Variants in ZPBP observed in about 807,000 individuals in gnomAD.
ZPBP encodes zona pellucida binding protein.
A neutral mutation model predicts 44.8 loss-of-function variants in ZPBP; 26 were observed. The ratio of observed to expected loss-of-function variants is 0.58; its 90% confidence interval spans 0.43 to 0.81. ZPBP has a LOEUF of 0.81. Among genes scored for constraint, ZPBP ranks in the 30% least tolerant of loss-of-function variants. ZPBP has a pLI of 0.00. For missense variants in ZPBP, 409 were observed against 434.0 expected (o/e 0.94, Z 0.51); for synonymous variants, 174 against 153.2 (o/e 1.14, Z -1.00).
chr7:49,842,469 C>T, the ZPBP span, among the ~76,000 whole-genome samples: 1 of 151,984 alleles, frequency 6.6e-6, no homozygotes, highest in African/African-American at 2.4e-5. Flanking sequence ...AGAGATAATA[C>T]AGGAGAGTAA....
At chr7:50,077,776 C>T (rs1005901014) in intron 3 of ZPBP, among the ~76,000 whole-genome samples, 2 of 151,826 alleles carry the variant, frequency 1.3e-5, no homozygotes, top group Non-Finnish European at 3.0e-5. Context: ...AAGGGGAACC[C>T]TTGTACACTG....
intron 7 of ZPBP, among the ~76,000 whole-genome samples, chr7:49,975,272 C>A (rs1796457775): frequency 1.3e-5 from 2 of 152,124 alleles, no homozygotes; most frequent in African/African-American, 4.8e-5. Context: ...TGTTCCCAAG[C>A]AACTCACTAG....
chr7:50,016,539 CT>C (rs139368367), intron 6 of ZPBP, among the ~76,000 whole-genome samples: 2,070 of 152,102 alleles, frequency 0.014, 38 homozygotes, highest in African/African-American at 0.047. Context: ...CATGTACCCC[CT>C]GAATGTAAAA....
intron 7 of ZPBP, among the ~76,000 whole-genome samples, chr7:49,956,392 T>C (rs1166614007): frequency 6.6e-6 from 1 of 152,008 alleles, no homozygotes; most frequent in Non-Finnish European, 1.5e-5. Flanking sequence ...CATTGAAAAT[T>C]TCAAGAAATC....
intron 2 of ZPBP, among the ~76,000 whole-genome samples, chr7:49,879,772 T>C (rs748597542): frequency 5.3e-5 from 8 of 152,146 alleles, no homozygotes; most frequent in Non-Finnish European, 1.0e-4. Context: ...TTTGCTATCT[T>C]GGCTAATTTT....
chr7:49,971,339 A>G (rs778965915), intron 7 of ZPBP, among the ~76,000 whole-genome samples: 5 of 152,206 alleles, frequency 3.3e-5, no homozygotes, highest in African/African-American at 4.8e-5. Context: ...CTTTGAGAAG[A>G]TCAAAAAAGG....
At chr7:50,038,798 C>T (rs888487179) in intron 4 of ZPBP, among the ~76,000 whole-genome samples, 2 of 152,162 alleles carry the variant, frequency 1.3e-5, no homozygotes, top group African/African-American at 2.4e-5. Flanking sequence ...ACAAATACCA[C>T]AGTATTACAA....
At chr7:50,084,591 G>C (rs1802537735) in intron 2 of ZPBP, among the ~76,000 whole-genome samples, 1 of 151,846 alleles carries the variant, frequency 6.6e-6, no homozygotes, top group South Asian at 2.1e-4. Context: ...AGAAGAAATG[G>C]TGGGCACAAA....
intron 2 of ZPBP, among the ~76,000 whole-genome samples, chr7:49,872,092 AT>A (rs1791184102): frequency 6.6e-6 from 1 of 152,160 alleles, no homozygotes; most frequent in South Asian, 2.1e-4. Flanking sequence ...AAAGAACAGT[AT>A]ACTATGAAAC....
At chr7:50,091,011 G>A (rs778162347) in intron 1 of ZPBP, among the ~76,000 whole-genome samples, 6 of 151,598 alleles carry the variant, frequency 4.0e-5, no homozygotes, top group Admixed American at 6.6e-5. Context: ...CCATTCTTGC[G>A]AGAGTAAGGT....
intron 7 of ZPBP, among the ~76,000 whole-genome samples, chr7:49,963,822 A>G (rs1371717120): frequency 1.3e-5 from 2 of 151,858 alleles, no homozygotes; most frequent in African/African-American, 2.4e-5. Context: ...AATTGTTATT[A>G]TGGGCTTATT....
chr7:50,044,698 G>A (rs1678825351), intron 4 of ZPBP, among the ~76,000 whole-genome samples: 1 of 152,152 alleles, frequency 6.6e-6, no homozygotes, highest in African/African-American at 2.4e-5. Context: ...AAAAAGCCCA[G>A]GACCAGACAG....
intron 1 of ZPBP, among the ~76,000 whole-genome samples, chr7:49,925,945 T>C (rs769196388): frequency 1.3e-5 from 2 of 152,206 alleles, no homozygotes; most frequent in African/African-American, 2.4e-5. Context: ...TGTGGGTAAT[T>C]TGGAAGTTTG....
chr7:50,006,306 T>C (rs1051733471), intron 6 of ZPBP, among the ~76,000 whole-genome samples: 3 of 151,964 alleles, frequency 2.0e-5, no homozygotes, highest in African/African-American at 7.3e-5. Flanking sequence ...CCACCCAATA[T>C]GACAAAATAC....
intron 2 of ZPBP, among the ~76,000 whole-genome samples, chr7:50,089,134 G>A (rs1802816557): frequency 6.6e-6 from 1 of 152,012 alleles, no homozygotes; most frequent in South Asian, 2.1e-4. Flanking sequence ...TGAAAATGTT[G>A]TAAAATTACA....
chr7:50,078,844 G>A (rs1802228890), intron 3 of ZPBP, among the ~76,000 whole-genome samples: 1 of 151,238 alleles, frequency 6.6e-6, no homozygotes, highest in Non-Finnish European at 1.5e-5. Context: ...GAATCTATAA[G>A]GAACTTAACA....
intron 1 of ZPBP, among the ~76,000 whole-genome samples, chr7:49,922,600 C>G (rs1242876993): frequency 1.3e-5 from 2 of 152,182 alleles, no homozygotes; most frequent in Non-Finnish European, 2.9e-5. Context: ...GTCTGGCATT[C>G]TGAGCATTTT....
chr7:49,912,187 C>A, intron 1 of ZPBP: 1 of 1,613,202 alleles, frequency 6.2e-7, no homozygotes, highest in Middle Eastern at 1.7e-4. Flanking sequence ...CAAATGTAGA[C>A]GCTTCCCAGA....
At chr7:50,053,431 G>A (rs540316121) in intron 4 of ZPBP, among the ~76,000 whole-genome samples, 15 of 152,296 alleles carry the variant, frequency 9.8e-5, no homozygotes, top group African/African-American at 3.1e-4. Context: ...ATTCGAGTAT[G>A]ACAATGAAGC....
Sources: allele counts gnomAD v4.1 joint callset (sites outside exome capture counted in the v4.1 genomes callset), GRCh38; gene constraint gnomAD v4.1.1; transcripts MANE v1.5; gene names NCBI Gene and HGNC (gene_info 2026-07-23, HGNC 2026-07-21).